PIAS1: variants seen among roughly 807,000 people sequenced by gnomAD.
PIAS1 encodes E3 SUMO-protein ligase PIAS1.
PIAS1 carries 6 observed loss-of-function variants against 71.3 expected under a neutral mutation model. The observed-to-expected ratio is 0.08, with a 90% CI of 0.05 to 0.17. PIAS1 has a LOEUF of 0.17. Ranked by LOEUF, PIAS1 falls within the 10% of genes least tolerant of loss-of-function variation. The pLI, the probability that PIAS1 is intolerant of heterozygous loss-of-function variation, is 1.00. For synonymous variants in PIAS1, 303 were observed against 292.9 expected (o/e 1.03, Z -0.35); for missense variants, 555 against 793.6 (o/e 0.70, Z 3.61).
chr15:68,071,220 A>G (rs1272526172), intron 1 of PIAS1, among the ~76,000 whole-genome samples: 1 of 24,836 alleles, frequency 4.0e-5, no homozygotes, highest in African/African-American at 1.5e-4. Context: ...CCCCGCCCCT[A>G]CCTCCCTTCC....
At chr15:68,159,671 A>G (rs574871006) in intron 7 of PIAS1, among the ~76,000 whole-genome samples, 2 of 152,306 alleles carry the variant, frequency 1.3e-5, no homozygotes, top group South Asian at 2.1e-4. Context: ...TTTATGTACT[A>G]TAATTTATCC....
chr15:68,149,732 A>G (rs867590926), intron 6 of PIAS1, among the ~76,000 whole-genome samples: 13 of 152,056 alleles, frequency 8.5e-5, no homozygotes, highest in Non-Finnish European at 7.4e-5. Context: ...TATTGGTTCT[A>G]TTAGCTTTTT....
intron 2 of PIAS1, among the ~76,000 whole-genome samples, chr15:68,137,904 A>C (rs2092744624): frequency 6.6e-6 from 1 of 152,182 alleles, no homozygotes; most frequent in South Asian, 2.1e-4. Flanking sequence ...GGACTTTGGG[A>C]GGCCAAGGTG....
rs2092236246 is a variant in PIAS1 at position 68,082,272 on chromosome 15, A to G, written c.25-4034A>G. Among the ~76,000 whole-genome samples, 8 of 152,164 alleles carry G rather than the reference A, an allele frequency of 5.3e-5. 1 individual carries two copies. The South Asian group carries it at 1.7e-3, about 32-fold the overall frequency. The stretch of plus-strand genomic sequence containing the variant: ...AAACCAAGAAAGGGGAAGTAGTGGC[A>G]TAAGGAAACGGGATCCAGTATAAAA... On this transcript the variant is annotated intron_variant, in intron 1 of 13. Coordinates refer to ENST00000249636, the MANE Select transcript of PIAS1 (RefSeq NM_016166.3).
Position 68,187,090 on chromosome 15 carries a change from G to T in PIAS1, c.1663-452G>T, listed in dbSNP as rs1348160729. Among the ~76,000 whole-genome samples, 1 of 152,300 alleles carries T rather than the reference G, an allele frequency of 6.6e-6. No homozygotes were observed. The highest frequency in any genetic ancestry group is 1.9e-4 in the East Asian group (1 of 5,184). On this transcript the variant is annotated intron_variant, in intron 13 of 13. Coordinates refer to ENST00000249636, the MANE Select transcript of PIAS1 (RefSeq NM_016166.3). This position sits in a 1 kb window ranked among gnomAD's most constrained non-coding sequence, Gnocchi z 5.3. ...ATTTAAATAAAAATTCTAACTTTCA[G>T]TGGTGCCTGAGTGTATAATAAGAAC... is the stretch of plus-strand genomic sequence containing the variant.
chr15:68,101,227 C>G (rs2140998662), intron 2 of PIAS1, among the ~76,000 whole-genome samples: 1 of 152,158 alleles, frequency 6.6e-6, no homozygotes, highest in Admixed American at 6.5e-5. Context: ...TTGCATTTCC[C>G]TAATAGCTAA....
Position 68,167,457 on chromosome 15 carries a change from A to G in PIAS1, c.1008+2653A>G, listed in dbSNP as rs942358241. Among the ~76,000 whole-genome samples the G allele has an allele frequency of 1.3e-5, 2 of 152,188 alleles. No individual in the cohort carries two copies. Among genetic ancestry groups the G allele is most frequent in the African/African-American group, 4.8e-5 (2 of 41,452 alleles). ...TTGCCCTTGTGATGTACAGAGCTCA[A>G]AATAAATGAGTTTCTTTTGTTTCTG... is the stretch of plus-strand genomic sequence containing the variant. On this transcript the variant is annotated intron_variant, in intron 8 of 13. Coordinates refer to ENST00000249636, the MANE Select transcript of PIAS1 (RefSeq NM_016166.3). The surrounding 1 kb of genome is among the most constrained non-coding windows in gnomAD (Gnocchi z 4.4).
chr15:68,147,346 T>C (rs2092815111), intron 6 of PIAS1, among the ~76,000 whole-genome samples: 1 of 152,184 alleles, frequency 6.6e-6, no homozygotes, highest in Non-Finnish European at 1.5e-5. Context: ...TTTTCATTAT[T>C]ACTGAGATTG....
intron 7 of PIAS1, among the ~76,000 whole-genome samples, chr15:68,159,920 C>T (rs530654435): frequency 2.0e-5 from 3 of 152,092 alleles, no homozygotes; most frequent in African/African-American, 7.2e-5. Flanking sequence ...AGTAAATATA[C>T]CATTTTTGCA....
intron 2 of PIAS1, among the ~76,000 whole-genome samples, chr15:68,109,688 C>T (rs2092505156): frequency 6.6e-6 from 1 of 152,176 alleles, no homozygotes; most frequent in Non-Finnish European, 1.5e-5. Context: ...TTTTAAAATG[C>T]CTTATTCAGC....
chr15:68,069,005 C>T (rs934559177), intron 1 of PIAS1, among the ~76,000 whole-genome samples: 3 of 151,144 alleles, frequency 2.0e-5, no homozygotes, highest in Admixed American at 1.3e-4. Context: ...AAGCCATTCT[C>T]CTGGCTCAGC....
At chr15:68,165,247 G>T (rs1435496242) in intron 8 of PIAS1, among the ~76,000 whole-genome samples, 3 of 152,070 alleles carry the variant, frequency 2.0e-5, no homozygotes, top group African/African-American at 7.2e-5. Flanking sequence ...TCAGCCTCCT[G>T]AGTAGCTGGG....
chr15:68,097,334 C>T (rs558230486), intron 2 of PIAS1, among the ~76,000 whole-genome samples: 3 of 152,112 alleles, frequency 2.0e-5, no homozygotes, highest in Non-Finnish European at 4.4e-5. Context: ...AGCATCTTGT[C>T]TTTCACCATT....
chr15:68,114,058 A>T (rs1460791804), intron 2 of PIAS1, among the ~76,000 whole-genome samples: 1 of 112,154 alleles, frequency 8.9e-6, no homozygotes, highest in Non-Finnish European at 2.1e-5. Context: ...ACACACACAC[A>T]CACTTATATA....
In PIAS1 at chr15:68,188,619, C is replaced by A. The variant is rs1225495879; in HGVS notation, c.*784C>A. The A allele has an allele frequency of 1.3e-5, 2 of 152,132 alleles. No individual in the cohort carries two copies. The highest frequency in any genetic ancestry group is 2.9e-5 in the Non-Finnish European group (2 of 68,042). The allele number at this position is 152,132 out of a possible 1,614,324, so 9.4% of individuals were successfully genotyped here. ...ACATATTCTCTTATTTGCTCTGTAC[C>A]CCCTGAGAATATGTTTTAGAGATAT... On this transcript the variant is annotated 3_prime_UTR_variant, in exon 14 of 14. Transcript: ENST00000249636.
intron 12 of PIAS1, among the ~76,000 whole-genome samples, chr15:68,182,425 AGTGTGTGT>A (rs10532167): frequency 3.6e-4 from 44 of 123,332 alleles, no homozygotes; most frequent in Middle Eastern, 4.3e-3. Flanking sequence ...AGTTACAGCT[AGTGTGTGT>A]GTGTGTGTGT....
rs1392740048 is a variant in PIAS1, at chr15:68,143,389, A to G, written c.602+1052A>G. 2.0e-5 allele frequency among the ~76,000 whole-genome samples: 3 copies of G among 152,238 alleles called. No individual in the cohort carries two copies. In the East Asian group the frequency reaches 5.8e-4, roughly 29 times the overall value. On this transcript the variant is annotated intron_variant, in intron 4 of 13. Transcript: ENST00000249636. Reference sequence around the variant, plus strand: ...CTCTCATCTAAGCTTTGAAATAATAAGGTAAAAACAGTGAGAAAGCAGAGT... The same window carrying G: ...CTCTCATCTAAGCTTTGAAATAATAGGGTAAAAACAGTGAGAAAGCAGAGT...
chr15:68,170,015 T>G (rs930331329), intron 8 of PIAS1, among the ~76,000 whole-genome samples: 7 of 152,208 alleles, frequency 4.6e-5, no homozygotes, highest in African/African-American at 7.2e-5. Flanking sequence ...GAGTATGACC[T>G]GCATACCTTC....
rs2093094048 is a variant in PIAS1 at position 68,187,280 on chromosome 15, G to C, written c.1663-262G>C. ...TTCTTGGGAAATAGAATTGGTAATT[G>C]CTTGCAATACAAACTAAAACAAAAA... On this transcript the variant is annotated intron_variant, in intron 13 of 13. Transcript: ENST00000249636. This position sits in a 1 kb window ranked among gnomAD's most constrained non-coding sequence, Gnocchi z 5.3. 2.6e-5 allele frequency among the ~76,000 whole-genome samples: 4 copies of C among 152,194 alleles called. No homozygotes were observed. The South Asian group carries it at 8.3e-4, about 32-fold the overall frequency.
Sources: allele counts gnomAD v4.1 joint callset (sites outside exome capture counted in the v4.1 genomes callset), GRCh38; gene constraint gnomAD v4.1.1; non-coding constraint Gnocchi (gnomAD v3.1); transcripts MANE v1.5; gene names NCBI Gene and HGNC (gene_info 2026-07-23, HGNC 2026-07-21).